LHFPL3: variants seen among roughly 807,000 people sequenced by gnomAD.
LHFPL3 encodes LHFPL tetraspan subfamily member 3 protein.
LHFPL3 carries 5 observed loss-of-function variants against 19.3 expected under a neutral mutation model. That is an observed-to-expected ratio of 0.26 (90% CI 0.14 to 0.54). The LOEUF (loss-of-function observed/expected upper bound fraction) is 0.54, where lower values mean the gene tolerates loss of function less well. Ranked by LOEUF, LHFPL3 falls within the 20% of genes least tolerant of loss-of-function variation. LHFPL3 has a pLI of 0.94. For missense variants in LHFPL3, 249 were observed against 307.4 expected (o/e 0.81, Z 1.42); for synonymous variants, 133 against 126.2 (o/e 1.05, Z -0.36).
chr7:104,669,132 T>C (rs1792422112), intron 1 of LHFPL3: 1 of 1,612,790 alleles, frequency 6.2e-7, no homozygotes, highest in Non-Finnish European at 8.5e-7. Flanking sequence ...CTTCTAAACC[T>C]CCCAAACCTG....
chr7:104,639,728 C>G (rs1433183019), intron 1 of LHFPL3, among the ~76,000 whole-genome samples: 3 of 152,028 alleles, frequency 2.0e-5, no homozygotes, highest in Non-Finnish European at 4.4e-5. Context: ...TGAAAGGAAA[C>G]CAACAACCAC....
chr7:104,424,275 C>T (rs546237211), intron 1 of LHFPL3, among the ~76,000 whole-genome samples: 1 of 152,220 alleles, frequency 6.6e-6, no homozygotes, highest in East Asian at 1.9e-4. Context: ...GCATCAGAGC[C>T]CCACTTGGCT....
chr7:104,683,627 GT>G (rs1224856657), intron 1 of LHFPL3, among the ~76,000 whole-genome samples: 11 of 152,178 alleles, frequency 7.2e-5, no homozygotes, highest in African/African-American at 2.7e-4. Flanking sequence ...CAGGAAGTGG[GT>G]TCCAGGAGGA....
intron 1 of LHFPL3, among the ~76,000 whole-genome samples, chr7:104,398,634 T>C (rs900308982): frequency 1.1e-4 from 17 of 152,198 alleles, no homozygotes; most frequent in African/African-American, 4.1e-4. Flanking sequence ...AAGAAAAAAC[T>C]GAGACAGAGG....
At chr7:104,749,588 G>C (rs921415888) in intron 2 of LHFPL3, among the ~76,000 whole-genome samples, 1 of 152,298 alleles carries the variant, frequency 6.6e-6, no homozygotes, top group Admixed American at 6.5e-5. Flanking sequence ...CATGGCCGGA[G>C]AGGGCAACCC....
At chr7:104,862,481 G>C (rs534426504) in intron 2 of LHFPL3, among the ~76,000 whole-genome samples, 4 of 152,306 alleles carry the variant, frequency 2.6e-5, no homozygotes, top group Admixed American at 1.3e-4. Context: ...GAGATGATAA[G>C]TGCTAGCCCA....
intron 1 of LHFPL3, among the ~76,000 whole-genome samples, chr7:104,577,175 A>G (rs1221714469): frequency 6.6e-6 from 1 of 152,204 alleles, no homozygotes; most frequent in Non-Finnish European, 1.5e-5. Flanking sequence ...CTAAAGATAT[A>G]AAGACTTGGT....
At chr7:104,357,208 A>G (rs1331419897) in intron 1 of LHFPL3, among the ~76,000 whole-genome samples, 1 of 152,216 alleles carries the variant, frequency 6.6e-6, no homozygotes, top group Non-Finnish European at 1.5e-5. Flanking sequence ...AGTAGTAAAG[A>G]CATCCATGTT....
intron 1 of LHFPL3, among the ~76,000 whole-genome samples, chr7:104,412,214 G>T (rs1791546578): frequency 6.6e-6 from 1 of 150,834 alleles, no homozygotes; most frequent in African/African-American, 2.5e-5. Flanking sequence ...TGTTCATTTA[G>T]TTCTCACAGC....
intron 1 of LHFPL3, among the ~76,000 whole-genome samples, chr7:104,720,522 A>G (rs1793469131): frequency 6.6e-6 from 1 of 152,230 alleles, no homozygotes; most frequent in South Asian, 2.1e-4. Flanking sequence ...AATGGCAACA[A>G]AAACCGAAAT....
At chr7:104,756,324 T>C (rs1794285094) in intron 2 of LHFPL3, among the ~76,000 whole-genome samples, 1 of 152,272 alleles carries the variant, frequency 6.6e-6, no homozygotes, top group Admixed American at 6.5e-5. Flanking sequence ...CATACTAATA[T>C]CAACAGCAAG....
intron 2 of LHFPL3, among the ~76,000 whole-genome samples, chr7:104,821,359 C>A (rs953074563): frequency 2.6e-5 from 4 of 152,164 alleles, no homozygotes; most frequent in African/African-American, 9.7e-5. Flanking sequence ...TGAGGAGAGG[C>A]AAGGAAGTGA....
At chr7:104,660,721 C>T (rs1358456204) in intron 1 of LHFPL3, among the ~76,000 whole-genome samples, 1 of 152,208 alleles carries the variant, frequency 6.6e-6, no homozygotes, top group Non-Finnish European at 1.5e-5. Flanking sequence ...TATTAATAGC[C>T]ACATCTGCAT....
intron 2 of LHFPL3, among the ~76,000 whole-genome samples, chr7:104,886,902 CTT>C (rs1386082355): frequency 1.3e-5 from 2 of 152,220 alleles, no homozygotes; most frequent in Non-Finnish European, 2.9e-5. Flanking sequence ...CATTAAAACT[CTT>C]TAAGTCCTCC....
chr7:104,521,235 A>C (rs1441716318), intron 1 of LHFPL3, among the ~76,000 whole-genome samples: 1 of 152,058 alleles, frequency 6.6e-6, no homozygotes, highest in East Asian at 1.9e-4. Context: ...CAGGTTGTTC[A>C]GTTTCCATGT....
rs190413996 is a variant in LHFPL3, at chr7:104,445,964, T to C, written c.445+116740T>C. 1.8e-3 allele frequency among the ~76,000 whole-genome samples: 275 copies of C among 152,308 alleles called. 1 individual carries two copies. The highest frequency in any genetic ancestry group is 6.3e-3 in the African/African-American group (260 of 41,586). ...ATATTTCATCTTCTACTGGGGTTGC[T>C]AATGAAAGTCAAGTGTTACAAGACG... On this transcript the variant is annotated intron_variant, in intron 1 of 2. Coordinates refer to ENST00000424859, the MANE Select transcript of LHFPL3 (RefSeq NM_199000.3).
At chr7:104,738,613 G>A (rs547971150) in intron 2 of LHFPL3, 1 of 152,148 alleles carries the variant, frequency 6.6e-6, no homozygotes, top group Non-Finnish European at 1.5e-5. Context: ...AAAGCAGGAA[G>A]ATTTTTACTT....
chr7:104,548,493 G>T (rs1794610719), intron 1 of LHFPL3, among the ~76,000 whole-genome samples: 1 of 152,090 alleles, frequency 6.6e-6, no homozygotes, highest in Non-Finnish European at 1.5e-5. Flanking sequence ...GAAATTAACT[G>T]GATTTCTAGC....
At position 104,328,865 on chromosome 7, in the gene LHFPL3, A is replaced by G. The variant is rs1306682727; in HGVS notation, c.86A>G (p.Tyr29Cys). The G allele has an allele frequency of 1.2e-6, 2 of 1,614,030 alleles. No individual in the cohort carries two copies. ...GCTGCCAAGCTGTACCACACCAACT[A>G]TGTGCGGAACTCGCGGGCCATCGGC... ...QEAAKLYHTNYVRNSRAIGVL... is the reference protein window; with the variant it reads ...QEAAKLYHTNCVRNSRAIGVL... Residue 29 changes from tyrosine (Y) to cysteine (C), a missense_variant, in exon 1 of 3, where the codon TAT (tyrosine) becomes TGT (cysteine). Transcript: ENST00000424859. The surrounding 1 kb of genome is among the most constrained non-coding windows in gnomAD (Gnocchi z 4.6).
Sources: gnomAD v4.1 joint callset for allele counts (sites outside exome capture counted in the v4.1 genomes callset) on GRCh38, gnomAD v4.1.1 for gene constraint, Gnocchi (gnomAD v3.1) non-coding constraint, MANE v1.5 for transcripts, NCBI Gene and HGNC (gene_info 2026-07-23, HGNC 2026-07-21) for gene names.